Variants in NTAQ1 observed in about 807,000 individuals in gnomAD.
The protein encoded by NTAQ1 is N-terminal glutamine amidase 1.
In NTAQ1, 21 loss-of-function variants were observed where a neutral mutation model predicts 28.2. The ratio of observed to expected loss-of-function variants is 0.74; its 90% CI spans 0.53 to 1.07. NTAQ1 has a LOEUF of 1.07. Among genes scored for constraint, NTAQ1 ranks in the 50% least tolerant of loss-of-function variants. The pLI, the probability that NTAQ1 is intolerant of heterozygous loss-of-function variation, is 0.00. For missense variants in NTAQ1, 264 were observed against 256.6 expected (o/e 1.03, Z -0.20); for synonymous variants, 105 against 90.0 (o/e 1.17, Z -0.94).
At chr8:123,466,918 ATCT>A (rs1420217277) in intron 6 of NTAQ1, among the ~76,000 whole-genome samples, 2 of 152,220 alleles carry the variant, frequency 1.3e-5, no homozygotes, top group African/African-American at 2.4e-5. Context: ...GGAAATAAAC[ATCT>A]TCTATATATA....
rs4416808 is a variant in NTAQ1, at chr8:123,441,303, T to C, written c.509-3T>C. On this transcript the variant is annotated splice_region_variant and splice_polypyrimidine_tract_variant and intron_variant, in intron 5 of 5. Transcript: ENST00000287387. ...GACATTTTTTTTTCATATATTTTTT[T>C]AGATTCCAAAATGAACCTGAACGAT... 1 of 1,595,756 alleles carries C rather than the reference T, an allele frequency of 6.3e-7. No homozygotes were observed.
exon 7 of NTAQ1, among the ~76,000 whole-genome samples, chr8:123,467,513 G>A (rs1044684731): frequency 1.3e-5 from 2 of 152,136 alleles, no homozygotes; most frequent in Non-Finnish European, 2.9e-5. Flanking sequence ...AATAATTCTT[G>A]CATTAAGTGT....
At chr8:123,441,017 A>G (rs1264473091) in intron 5 of NTAQ1, among the ~76,000 whole-genome samples, 3 of 148,100 alleles carry the variant, frequency 2.0e-5, no homozygotes, top group Admixed American at 6.9e-5. Flanking sequence ...ATAGAAGAGA[A>G]GATCAGTACT....
intron 1 of NTAQ1, among the ~76,000 whole-genome samples, chr8:123,422,683 G>C (rs572712170): frequency 6.7e-6 from 1 of 148,824 alleles, no homozygotes; most frequent in Non-Finnish European, 1.5e-5. Flanking sequence ...TTTTGTTGCC[G>C]TTGCTTTTGG....
intron 1 of NTAQ1, among the ~76,000 whole-genome samples, chr8:123,419,758 T>TCCCTC (rs1563879249): frequency 1.0e-3 from 23 of 22,930 alleles, no homozygotes; most frequent in African/African-American, 2.7e-3. Context: ...CTCCCTCCCT[T>TCCCTC]CCTTCCTTCC....
chr8:123,469,741 G>T (rs1816023432), exon 7 of NTAQ1, among the ~76,000 whole-genome samples: 1 of 152,206 alleles, frequency 6.6e-6, no homozygotes, highest in Non-Finnish European at 1.5e-5. Context: ...CACCAAAAGT[G>T]ATTATCAAAC....
chr8:123,465,034 T>C (rs1815927778), intron 6 of NTAQ1, among the ~76,000 whole-genome samples: 1 of 151,836 alleles, frequency 6.6e-6, no homozygotes, highest in African/African-American at 2.4e-5. Flanking sequence ...ACAGATTCTG[T>C]CTCAGGAAAA....
intron 6 of NTAQ1, among the ~76,000 whole-genome samples, chr8:123,460,557 G>A (rs1488986867): frequency 3.3e-5 from 5 of 152,220 alleles, no homozygotes; most frequent in African/African-American, 7.2e-5. Flanking sequence ...TGTGGCACAC[G>A]GGATGTCTTT....
downstream of NTAQ1, among the ~76,000 whole-genome samples, chr8:123,471,084 C>A (rs1290643641): frequency 6.6e-6 from 1 of 151,736 alleles, no homozygotes; most frequent in Non-Finnish European, 1.5e-5. Context: ...CCATGCCTGG[C>A]AAATTAAAAA....
chr8:123,471,959 C>CATA (rs1272783202), downstream of NTAQ1, among the ~76,000 whole-genome samples: 1 of 152,122 alleles, frequency 6.6e-6, no homozygotes, highest in Non-Finnish European at 1.5e-5. Flanking sequence ...CAATTCAACC[C>CATA]ATAAAAGTAA....
chr8:123,437,080 G>C (rs563988612), intron 4 of NTAQ1, 130 bp from the exon 5 acceptor site: 26 of 1,243,210 alleles, frequency 2.1e-5, no homozygotes, highest in Non-Finnish European at 2.8e-5. Flanking sequence ...AAAGTTGCCT[G>C]TATTACTAAC....
Position 123,467,081 on chromosome 8 carries a change from TG to T in NTAQ1, c.376del (p.Val126LeufsTer79). 1.4e-5 allele frequency: 2 copies of T among 146,420 alleles called. No homozygotes were observed. The highest frequency in any genetic ancestry group is 6.7e-5 in the Admixed American group (1 of 14,996). 9.1% of individuals were successfully genotyped at this position (146,420 alleles called of 1,614,324 possible). A position where few individuals can be genotyped will look rare whatever the true frequency, so the allele number is the denominator to read the frequency against. On this transcript the variant is annotated frameshift_variant, in exon 7 of 7. Coordinates refer to the NTAQ1 transcript ENST00000650311. LOFTEE classifies it high-confidence loss of function. ...TTTTCCTTTTTTTTTTTTCTCAGTC[TG>T]TTGTCCAGGCTGGAGTGCAGTTGCG...
Position 123,441,492 on chromosome 8 carries a change from A to G in NTAQ1, c.*77A>G. The G allele has an allele frequency of 8.8e-7, 1 of 1,130,792 alleles. No individual in the cohort carries two copies. The highest frequency in any genetic ancestry group is 1.3e-6 in the Non-Finnish European group (1 of 760,632). The allele number at this position is 1,130,792 out of a possible 1,614,324, so 70.0% of individuals were successfully genotyped here. On this transcript the variant is annotated 3_prime_UTR_variant, in exon 6 of 6. Transcript: ENST00000287387. Reference sequence around the variant, plus strand: ...TATCCTTTCATCGAGGACAGCAAACATTATGGTACAGTTGGCTTGGAATTA... The same window carrying G: ...TATCCTTTCATCGAGGACAGCAAACGTTATGGTACAGTTGGCTTGGAATTA...
chr8:123,449,961 A>G (rs1815437374), downstream of NTAQ1, among the ~76,000 whole-genome samples: 2 of 51,898 alleles, frequency 3.9e-5, 1 homozygote, highest in African/African-American at 1.4e-4. Context: ...ATATATATAT[A>G]TATATATATA....
At chr8:123,474,444 G>A (rs1164028359), downstream of NTAQ1, among the ~76,000 whole-genome samples, 2 of 152,146 alleles carry the variant, frequency 1.3e-5, no homozygotes, top group African/African-American at 4.8e-5. Context: ...AAGTAATGTT[G>A]TGTCCTTTCT....
chr8:123,471,923 A>G (rs1185573263), downstream of NTAQ1, among the ~76,000 whole-genome samples: 1 of 152,210 alleles, frequency 6.6e-6, no homozygotes, highest in African/African-American at 2.4e-5. Context: ...TAACCATCAC[A>G]CTTTAAAATA....
At chr8:123,457,454 C>T (rs1815681888) in intron 6 of NTAQ1, among the ~76,000 whole-genome samples, 1 of 152,022 alleles carries the variant, frequency 6.6e-6, no homozygotes, top group Admixed American at 6.6e-5. Context: ...TTTGCCTTTA[C>T]TTTCAAATTA....
At chr8:123,446,715 C>G (rs1815305643), downstream of NTAQ1, among the ~76,000 whole-genome samples, 1 of 152,218 alleles carries the variant, frequency 6.6e-6, no homozygotes, top group Admixed American at 6.5e-5. Context: ...CAAGTCCTCA[C>G]CAGACAACAT....
chr8:123,440,022 T>C (rs1423404849), intron 5 of NTAQ1, among the ~76,000 whole-genome samples: 1 of 151,604 alleles, frequency 6.6e-6, no homozygotes, highest in Non-Finnish European at 1.5e-5. Flanking sequence ...ATGTTGGATT[T>C]AGTTATGGAA....
Sources: gnomAD v4.1 joint callset for allele counts (sites outside exome capture counted in the v4.1 genomes callset) on GRCh38, gnomAD v4.1.1 for gene constraint, MANE v1.5 for transcripts, NCBI Gene and HGNC (gene_info 2026-07-23, HGNC 2026-07-21) for gene names.